B3GAT2: variants seen among roughly 807,000 people sequenced by gnomAD.
The protein encoded by B3GAT2 is galactosylgalactosylxylosylprotein 3-beta-glucuronosyltransferase 2.
Under a neutral mutation model 27.8 loss-of-function variants are expected in B3GAT2, and 26 were observed. That is an observed-to-expected ratio of 0.93 (90% CI 0.68 to 1.30). The LOEUF (loss-of-function observed/expected upper bound fraction) is 1.30, where lower values mean the gene tolerates loss of function less well. B3GAT2 is among the 50% of genes most tolerant of loss of function. The probability of loss-of-function intolerance (pLI) is 0.00; values close to 1 mark genes in which losing one functional copy is unlikely to be tolerated. For missense variants in B3GAT2, 458 were observed against 459.0 expected (o/e 1.00, Z 0.02); for synonymous variants, 218 against 195.1 (o/e 1.12, Z -0.98).
At chr6:70,919,992 T>C (rs546524770) in intron 1 of B3GAT2, among the ~76,000 whole-genome samples, 26 of 152,334 alleles carry the variant, frequency 1.7e-4, no homozygotes, top group African/African-American at 6.0e-4. Context: ...TTTTTTCAGA[T>C]ATGCCCTGCC....
intron 1 of B3GAT2, among the ~76,000 whole-genome samples, chr6:70,897,993 C>A (rs1467697126): frequency 3.3e-5 from 5 of 152,194 alleles, no homozygotes; most frequent in African/African-American, 1.2e-4. Flanking sequence ...ATACCAATGC[C>A]ACAATATCCT....
chr6:70,858,233 G>A lies in B3GAT2; in HGVS notation c.*3430C>T. 1 of 1,593,614 alleles carries A rather than the reference G, an allele frequency of 6.3e-7. No individual in the cohort carries two copies. ...GCCCCAGTGGAGCCTCTCACAGGTA[G>A]GGGTCATTTACTTTCTAGCTTCTCC... On this transcript the variant is annotated 3_prime_UTR_variant, in exon 4 of 4. Transcript: ENST00000230053.
chr6:70,885,176 T>C (rs1772164077), intron 2 of B3GAT2, among the ~76,000 whole-genome samples: 1 of 152,212 alleles, frequency 6.6e-6, no homozygotes, highest in Non-Finnish European at 1.5e-5. Flanking sequence ...TTTGCCCCCT[T>C]GTGACTTGAT....
At chr6:70,926,307 G>C (rs772795540) in intron 1 of B3GAT2, among the ~76,000 whole-genome samples, 6 of 152,208 alleles carry the variant, frequency 3.9e-5, no homozygotes, top group African/African-American at 1.4e-4. Context: ...AAGGAAGAAA[G>C]CTGGATGGAG....
chr6:70,924,361 A>G (rs1005929114), intron 1 of B3GAT2, among the ~76,000 whole-genome samples: 24 of 152,324 alleles, frequency 1.6e-4, no homozygotes, highest in African/African-American at 5.5e-4. Flanking sequence ...GAGTCAATGC[A>G]ATCTCTATCA....
At chr6:70,887,140 T>G in intron 2 of B3GAT2, among the ~76,000 whole-genome samples, 1 of 152,212 alleles carries the variant, frequency 6.6e-6, no homozygotes, top group East Asian at 1.9e-4. Context: ...TTCCCTCCAT[T>G]TTCTTGCAGT....
At chr6:70,947,213 G>T (rs1472137814) in intron 1 of B3GAT2, among the ~76,000 whole-genome samples, 1 of 151,120 alleles carries the variant, frequency 6.6e-6, no homozygotes, top group African/African-American at 2.4e-5. Context: ...CTAGCAGAAG[G>T]CAAGAAATAA....
chr6:70,941,060 C>T (rs1232069114), intron 1 of B3GAT2, among the ~76,000 whole-genome samples: 2 of 152,130 alleles, frequency 1.3e-5, no homozygotes, highest in African/African-American at 4.8e-5. Flanking sequence ...TAGACAAGCC[C>T]TATTTAACTC....
intron 1 of B3GAT2, among the ~76,000 whole-genome samples, chr6:70,955,364 C>T (rs1765636807): frequency 1.3e-5 from 2 of 152,062 alleles, no homozygotes; most frequent in African/African-American, 2.4e-5. Context: ...CTGAGAATCA[C>T]ACCTGTAGGC....
intron 1 of B3GAT2, among the ~76,000 whole-genome samples, chr6:70,935,699 T>C (rs1025682610): frequency 1.3e-5 from 2 of 152,144 alleles, no homozygotes; most frequent in East Asian, 1.9e-4. Flanking sequence ...GACAAGCAAA[T>C]GCTGAGAGAA....
At chr6:70,871,409 G>C (rs1771935156) in intron 2 of B3GAT2, among the ~76,000 whole-genome samples, 1 of 151,414 alleles carries the variant, frequency 6.6e-6, no homozygotes, top group Non-Finnish European at 1.5e-5. Context: ...GGGAAGTTTT[G>C]TTGATTATTA....
At chr6:70,900,921 C>A in intron 1 of B3GAT2, among the ~76,000 whole-genome samples, 1 of 152,102 alleles carries the variant, frequency 6.6e-6, no homozygotes, top group East Asian at 1.9e-4. Flanking sequence ...CACTCTGTAT[C>A]CTGTTTTTTT....
Position 70,860,049 on chromosome 6 carries a change from C to A in B3GAT2, c.*1614G>T. ...AAGAAGGGAACAAAGTAGCTATTTG[C>A]TTTAAGAAATATTTGTATGGTACTC... is the stretch of plus-strand genomic sequence containing the variant. On this transcript the variant is annotated 3_prime_UTR_variant, in exon 4 of 4. Coordinates refer to ENST00000230053, the MANE Select transcript of B3GAT2 (RefSeq NM_080742.3). The A allele has an allele frequency of 1.2e-6, 1 of 808,556 alleles. No individual in the cohort carries two copies. The highest frequency in any genetic ancestry group is 1.8e-6 in the Non-Finnish European group (1 of 554,122). 50.1% of individuals were successfully genotyped at this position (808,556 alleles called of 1,614,324 possible). A position where few individuals can be genotyped will look rare whatever the true frequency, so the allele number is the denominator to read the frequency against.
chr6:70,877,228 C>T (rs551348810), intron 2 of B3GAT2, among the ~76,000 whole-genome samples: 1 of 152,272 alleles, frequency 6.6e-6, no homozygotes, highest in South Asian at 2.1e-4. Context: ...CGGGGGTGTT[C>T]AGCACAGGTA....
intron 1 of B3GAT2, among the ~76,000 whole-genome samples, chr6:70,915,542 T>C (rs1004969030): frequency 5.3e-5 from 8 of 152,214 alleles, no homozygotes; most frequent in African/African-American, 1.9e-4. Context: ...GTTTTAGGTA[T>C]TACATTCAAG....
At chr6:70,930,940 T>C (rs2150045807) in intron 1 of B3GAT2, among the ~76,000 whole-genome samples, 1 of 152,234 alleles carries the variant, frequency 6.6e-6, no homozygotes, top group South Asian at 2.1e-4. Context: ...AACCCAAATG[T>C]CCATCAATGA....
chr6:70,869,056 A>G (rs1023746106), intron 2 of B3GAT2, among the ~76,000 whole-genome samples: 2 of 152,190 alleles, frequency 1.3e-5, no homozygotes, highest in African/African-American at 4.8e-5. Flanking sequence ...TTTTTTTCCC[A>G]TTGAACTGTC....
chr6:70,879,354 G>GA (rs1222858490), intron 2 of B3GAT2, among the ~76,000 whole-genome samples: 2 of 152,098 alleles, frequency 1.3e-5, no homozygotes, highest in Non-Finnish European at 2.9e-5. Flanking sequence ...CAGTGTTACA[G>GA]AAAAAAACCT....
intron 2 of B3GAT2, among the ~76,000 whole-genome samples, chr6:70,873,427 T>C (rs1771967763): frequency 1.3e-5 from 2 of 152,126 alleles, no homozygotes; most frequent in Admixed American, 1.3e-4. Context: ...AATCAGTCTT[T>C]GTTAATAAAC....
Sources: gnomAD v4.1 joint callset for allele counts (sites outside exome capture counted in the v4.1 genomes callset) on GRCh38, gnomAD v4.1.1 for gene constraint, MANE v1.5 for transcripts, NCBI Gene and HGNC (gene_info 2026-07-23, HGNC 2026-07-21) for gene names.